Variants in XKR4 observed in about 807,000 individuals in gnomAD.
XKR4 encodes XK-related protein 4.
Under a neutral mutation model 53.9 loss-of-function variants are expected in XKR4, and 12 were observed. The ratio of observed to expected loss-of-function variants is 0.22; its 90% CI spans 0.14 to 0.36. The LOEUF (loss-of-function observed/expected upper bound fraction) is 0.36. XKR4 is among the 10% of genes least tolerant of loss of function. The probability of loss-of-function intolerance (pLI) is 1.00; values close to 1 mark genes in which losing one functional copy is unlikely to be tolerated. For missense variants in XKR4, 799 were observed against 859.5 expected (o/e 0.93, Z 0.88); for synonymous variants, 354 against 362.4 (o/e 0.98, Z 0.26).
In XKR4 at chr8:55,523,831, A is replaced by T. The variant is rs201298271; in HGVS notation, c.1557A>T (p.Arg519Ser). ...YYAFFHPNGP[R>S]FGQSPSCACE... is the part of the protein sequence containing the mutation. The stretch of plus-strand genomic sequence containing the variant: ...CCTTCTTTCATCCCAATGGACCCAG[A>T]TTCGGGCAGTCACCAAGTTGTGCTT... Residue 519 changes from arginine to serine, a missense_variant, in exon 3 of 3, where the codon AGA becomes AGT. This residue lies in a region of XKR4 where 269 missense variants were observed against 264.4 expected (regional missense o/e 1.02). Transcript: ENST00000327381. 3 of 1,614,166 alleles carry T rather than the reference A, an allele frequency of 1.9e-6. No individual in the cohort carries two copies. The highest frequency in any genetic ancestry group is 2.5e-6 in the Non-Finnish European group (3 of 1,180,036).
chr8:55,402,889 C>G (rs144450479), intron 2 of XKR4, among the ~76,000 whole-genome samples: 5 of 152,162 alleles, frequency 3.3e-5, no homozygotes, highest in Admixed American at 6.5e-5. Context: ...GGCCCACAGA[C>G]CTGCCTAAGT....
intron 1 of XKR4, among the ~76,000 whole-genome samples, chr8:55,281,521 A>G (rs904658973): frequency 3.9e-5 from 6 of 152,210 alleles, no homozygotes; most frequent in Non-Finnish European, 7.3e-5. Flanking sequence ...TTCAGATGAA[A>G]AACGTAGAAA....
intron 1 of XKR4, among the ~76,000 whole-genome samples, chr8:55,267,649 T>C (rs1195576331): frequency 6.9e-6 from 1 of 145,314 alleles, no homozygotes; most frequent in Non-Finnish European, 1.5e-5. Context: ...GTTTGGTGGG[T>C]TTAGGGTTTT....
intron 1 of XKR4, 116 bp downstream of exon 1, chr8:55,103,410 TC>T (rs1199007611): frequency 9.6e-6 from 14 of 1,455,602 alleles, no homozygotes; most frequent in Non-Finnish European, 1.3e-5. Context: ...GTCACACTCT[TC>T]CAGTTTTTTG....
chr8:55,287,660 C>T (rs1818926770), intron 1 of XKR4, among the ~76,000 whole-genome samples: 1 of 152,208 alleles, frequency 6.6e-6, no homozygotes, highest in African/African-American at 2.4e-5. Context: ...TTGCAGGTAA[C>T]TCACCCTTTG....
intron 2 of XKR4, among the ~76,000 whole-genome samples, chr8:55,506,568 C>T (rs1255356404): frequency 1.3e-5 from 2 of 152,324 alleles, no homozygotes; most frequent in South Asian, 2.1e-4. Flanking sequence ...AAGATCTCAT[C>T]TTGTTAATAG....
Position 55,532,597 on chromosome 8 carries a change from C to G in XKR4, c.*8370C>G, listed in dbSNP as rs979974825. Reference sequence around the variant, plus strand: ...GATCACAAGGTCAGGAGATCGAGACCATCCTGGCTAACACAGTGAAACCCC... The same window carrying G: ...GATCACAAGGTCAGGAGATCGAGACGATCCTGGCTAACACAGTGAAACCCC... On this transcript the variant is annotated 3_prime_UTR_variant, in exon 3 of 3. Coordinates refer to ENST00000327381, the MANE Select transcript of XKR4 (RefSeq NM_052898.2). 6.6e-6 allele frequency: 1 copy of G among 151,970 alleles called. No homozygotes were observed. Among genetic ancestry groups the G allele is most frequent in the Non-Finnish European group, 1.5e-5 (1 of 68,024 alleles). The allele number at this position is 151,970 out of a possible 1,614,324, so 9.4% of individuals were successfully genotyped here.
chr8:55,468,378 G>A (rs1805813465), intron 2 of XKR4, among the ~76,000 whole-genome samples: 1 of 152,038 alleles, frequency 6.6e-6, no homozygotes. Flanking sequence ...GAAGTATGAA[G>A]CCAACTTTTT....
At chr8:55,454,290 G>A (rs1805516696) in intron 2 of XKR4, 2 of 1,419,872 alleles carry the variant, frequency 1.4e-6, no homozygotes. Flanking sequence ...GTCTCTGCCT[G>A]GAAGGCCGCA....
At chr8:55,124,876 G>A (rs1816439992) in intron 1 of XKR4, among the ~76,000 whole-genome samples, 1 of 152,116 alleles carries the variant, frequency 6.6e-6, no homozygotes, top group Non-Finnish European at 1.5e-5. Context: ...AAAGCTAGAT[G>A]GAGATTTCTA....
intron 1 of XKR4, among the ~76,000 whole-genome samples, chr8:55,113,462 C>G (rs1324906343): frequency 1.3e-5 from 2 of 152,172 alleles, no homozygotes; most frequent in Non-Finnish European, 2.9e-5. Context: ...AAGCTTAAAG[C>G]AGGGCTTCGC....
intron 2 of XKR4, among the ~76,000 whole-genome samples, chr8:55,470,673 C>T (rs1193462990): frequency 1.3e-5 from 2 of 152,134 alleles, no homozygotes; most frequent in Non-Finnish European, 2.9e-5. Context: ...TGTGAAGGGA[C>T]TTACATGTCT....
intron 2 of XKR4, among the ~76,000 whole-genome samples, chr8:55,392,629 A>G (rs1804459177): frequency 6.6e-6 from 1 of 152,106 alleles, no homozygotes; most frequent in African/African-American, 2.4e-5. Flanking sequence ...TATTTCTACA[A>G]AAAGTACAAA....
At position 55,443,888 on chromosome 8, in the gene XKR4, G is replaced by A. The variant is rs117787384; in HGVS notation, c.1007-79393G>A. ...AGAAAAAAAAAGAAAAAATCAAAAT[G>A]GGCCAGGCACAGGGGCTCACACCTG... On this transcript the variant is annotated intron_variant, in intron 2 of 2. Coordinates refer to ENST00000327381, the MANE Select transcript of XKR4 (RefSeq NM_052898.2). Among the ~76,000 whole-genome samples, 273 of 149,334 alleles carry A rather than the reference G, an allele frequency of 1.8e-3. 8 individuals carry two copies. The East Asian group carries it at 0.048, about 26-fold the overall frequency.
chr8:55,341,421 C>A (rs1803544547), intron 1 of XKR4, among the ~76,000 whole-genome samples: 1 of 152,168 alleles, frequency 6.6e-6, no homozygotes, highest in Non-Finnish European at 1.5e-5. Flanking sequence ...TACAACAAAA[C>A]CCTCAGGATG....
At chr8:55,424,381 A>G (rs890461993) in intron 2 of XKR4, among the ~76,000 whole-genome samples, 10 of 152,248 alleles carry the variant, frequency 6.6e-5, no homozygotes, top group Non-Finnish European at 1.2e-4. Flanking sequence ...CGCTTTCTAG[A>G]CATCATCTCA....
chr8:55,389,896 A>T (rs542024563), intron 2 of XKR4, among the ~76,000 whole-genome samples: 4 of 152,090 alleles, frequency 2.6e-5, no homozygotes, highest in Non-Finnish European at 1.5e-5. Context: ...CCACACAGCT[A>T]ATATTTCTCT....
intron 1 of XKR4, among the ~76,000 whole-genome samples, chr8:55,216,560 T>G (rs1325505268): frequency 8.5e-5 from 13 of 152,090 alleles, no homozygotes; most frequent in Non-Finnish European, 8.8e-5. Context: ...AAACCCCATC[T>G]CTACTAAAAA....
chr8:55,268,472 C>T (rs545950985), intron 1 of XKR4, among the ~76,000 whole-genome samples: 2 of 152,158 alleles, frequency 1.3e-5, no homozygotes, highest in Non-Finnish European at 2.9e-5. Flanking sequence ...TAGCCAGTCT[C>T]GTGTATTTTA....
Sources: gnomAD v4.1 joint callset for allele counts (sites outside exome capture counted in the v4.1 genomes callset) on GRCh38, gnomAD v4.1.1 for gene constraint, gnomAD v4.1.1 regional missense constraint, MANE v1.5 for transcripts, NCBI Gene and HGNC (gene_info 2026-07-23, HGNC 2026-07-21) for gene names.